CLCN3: variants seen among roughly 807,000 people sequenced by gnomAD.
CLCN3 encodes Cl-/H+ antiporter 3.
In CLCN3, 16 loss-of-function variants were observed where a neutral mutation model predicts 83.4. The ratio of observed to expected loss-of-function variants is 0.19; its 90% CI spans 0.13 to 0.29. The LOEUF is 0.29. Ranked by LOEUF, CLCN3 falls within the 10% of genes least tolerant of loss-of-function variation. CLCN3 has a pLI of 1.00. For missense variants in CLCN3, 544 were observed against 1,006.0 expected (o/e 0.54, Z 6.21); for synonymous variants, 322 against 346.2 (o/e 0.93, Z 0.78).
intron 8 of CLCN3, among the ~76,000 whole-genome samples, chr4:169,696,487 C>T (rs548327360): frequency 2.6e-5 from 4 of 151,746 alleles, no homozygotes; most frequent in East Asian, 3.9e-4. Context: ...GTATACATTG[C>T]GGAATAATCA....
chr4:169,635,837 T>G, intron 1 of CLCN3, 76 bp from the exon 2 acceptor site: 3 of 1,209,514 alleles, frequency 2.5e-6, no homozygotes, highest in Non-Finnish European at 3.4e-6. Flanking sequence ...ATCATAACTT[T>G]CCTTTTGTGA....
At position 169,627,378 on chromosome 4, in the gene CLCN3, C is replaced by T. The variant is rs181177424; in HGVS notation, c.-17+6315C>T. 3.7e-3 allele frequency among the ~76,000 whole-genome samples: 557 copies of T among 152,174 alleles called. 2 individuals carry two copies. Among genetic ancestry groups the T allele is most frequent in the Non-Finnish European group, 5.9e-3 (399 of 68,004 alleles). ...TATTAAGTGCTTACGGACTGTGTGC[C>T]AGCCAGCTTGCTTACTTTTCTCAGG... On this transcript the variant is annotated intron_variant, in intron 1 of 12. Transcript: ENST00000513761.
chr4:169,717,010 A>G (rs1383059388), intron 12 of CLCN3, among the ~76,000 whole-genome samples: 1 of 152,190 alleles, frequency 6.6e-6, no homozygotes, highest in Non-Finnish European at 1.5e-5. Context: ...TTATAAAACC[A>G]GTAACCATAG....
At chr4:169,691,708 CAG>C (rs1732380130) in intron 6 of CLCN3, among the ~76,000 whole-genome samples, 2 of 152,098 alleles carry the variant, frequency 1.3e-5, no homozygotes, top group Non-Finnish European at 2.9e-5. Flanking sequence ...TTACAGTACT[CAG>C]AGAAAACATA....
At chr4:169,694,722 C>A (rs1448598637) in intron 7 of CLCN3, among the ~76,000 whole-genome samples, 1 of 152,032 alleles carries the variant, frequency 6.6e-6, no homozygotes, top group East Asian at 1.9e-4. Flanking sequence ...GCCTGTAATC[C>A]CAGCTACTCG....
At chr4:169,649,949 G>A (rs1338700064) in intron 2 of CLCN3, among the ~76,000 whole-genome samples, 3 of 152,104 alleles carry the variant, frequency 2.0e-5, no homozygotes, top group Non-Finnish European at 4.4e-5. Context: ...CTGGGGCATG[G>A]TGGTGCACGA....
Position 169,720,199 on chromosome 4 carries a change from G to A in CLCN3, c.*202G>A. 1 of 704,668 alleles carries A rather than the reference G, an allele frequency of 1.4e-6. No homozygotes were observed. Among genetic ancestry groups the A allele is most frequent in the Non-Finnish European group, 2.4e-6 (1 of 420,052 alleles). 43.7% of individuals were successfully genotyped at this position (704,668 alleles called of 1,614,324 possible). ...GTTGTTTGGGGAGGGAAAGGAGAGA[G>A]AAGGAAAGGAGTGAGGTATTTCCCG... On this transcript the variant is annotated 3_prime_UTR_variant, in exon 13 of 13. Coordinates refer to ENST00000513761, the MANE Select transcript of CLCN3 (RefSeq NM_001829.4).
chr4:169,653,606 A>G (rs936581603), intron 2 of CLCN3, among the ~76,000 whole-genome samples: 1 of 124,358 alleles, frequency 8.0e-6, no homozygotes, highest in South Asian at 2.7e-4. Flanking sequence ...ATGCCACCGC[A>G]TTCCAGGCTG....
At chr4:169,690,137 CTTT>C (rs397769904) in intron 5 of CLCN3, among the ~76,000 whole-genome samples, 10 of 110,456 alleles carry the variant, frequency 9.1e-5, no homozygotes, top group Admixed American at 1.2e-4. Context: ...TCTTTTCTTT[CTTT>C]TTTTTTTTTT....
At chr4:169,657,848 C>T (rs940149126) in intron 2 of CLCN3, among the ~76,000 whole-genome samples, 2 of 152,088 alleles carry the variant, frequency 1.3e-5, no homozygotes, top group African/African-American at 4.8e-5. Context: ...TATCTGGGCT[C>T]CACCCTGACT....
intron 2 of CLCN3, among the ~76,000 whole-genome samples, chr4:169,657,924 T>C (rs1730934121): frequency 6.6e-6 from 1 of 152,300 alleles, no homozygotes; most frequent in African/African-American, 2.4e-5. Context: ...GTCAAAGTCC[T>C]CTTTTGCCAC....
At chr4:169,675,782 G>C (rs1439493259) in intron 2 of CLCN3, among the ~76,000 whole-genome samples, 2 of 152,090 alleles carry the variant, frequency 1.3e-5, no homozygotes, top group African/African-American at 4.8e-5. Flanking sequence ...TAGTTGTCAA[G>C]GATGCTGATA....
At chr4:169,699,659 A>C (rs896021338) in intron 9 of CLCN3, among the ~76,000 whole-genome samples, 2 of 152,116 alleles carry the variant, frequency 1.3e-5, no homozygotes, top group Non-Finnish European at 2.9e-5. Flanking sequence ...CGAGGCGGGC[A>C]GATCACAATG....
chr4:169,684,699 C>T (rs1054950302), intron 3 of CLCN3, among the ~76,000 whole-genome samples: 1 of 152,170 alleles, frequency 6.6e-6, no homozygotes, highest in Non-Finnish European at 1.5e-5. Flanking sequence ...GCTATTGTTT[C>T]TAGCCTCCTA....
chr4:169,702,060 A>C (rs914515279), intron 9 of CLCN3, among the ~76,000 whole-genome samples: 1 of 151,926 alleles, frequency 6.6e-6, no homozygotes, highest in Admixed American at 6.5e-5. Context: ...CACTCACCCA[A>C]CTCCTGGGAT....
At chr4:169,706,319 A>G (rs1054688058) in intron 10 of CLCN3, among the ~76,000 whole-genome samples, 4 of 152,154 alleles carry the variant, frequency 2.6e-5, no homozygotes, top group Non-Finnish European at 4.4e-5. Context: ...CATGAGCCAC[A>G]GTGCCTGGCC....
intron 10 of CLCN3, among the ~76,000 whole-genome samples, chr4:169,705,347 G>C (rs1304680949): frequency 2.6e-5 from 4 of 152,184 alleles, no homozygotes. Context: ...AGAAGGAACA[G>C]ATTATGAAAA....
intron 10 of CLCN3, among the ~76,000 whole-genome samples, chr4:169,704,473 G>A (rs1038863603): frequency 3.3e-5 from 5 of 152,154 alleles, no homozygotes; most frequent in Non-Finnish European, 5.9e-5. Flanking sequence ...AGCTTAATTT[G>A]AATCCTGACC....
At chr4:169,682,791 T>C (rs150099987) in intron 3 of CLCN3, among the ~76,000 whole-genome samples, 5 of 152,360 alleles carry the variant, frequency 3.3e-5, no homozygotes, top group African/African-American at 7.2e-5. Context: ...ATGTAATGAC[T>C]GCCAGTACAT....
Sources: allele counts gnomAD v4.1 joint callset (sites outside exome capture counted in the v4.1 genomes callset), GRCh38; gene constraint gnomAD v4.1.1; transcripts MANE v1.5; gene names NCBI Gene and HGNC (gene_info 2026-07-23, HGNC 2026-07-21).